Variants in SNTG1 observed in about 807,000 individuals in gnomAD.
SNTG1 encodes syntrophin gamma 1.
Under a neutral mutation model 74.7 loss-of-function variants are expected in SNTG1, and 39 were observed. That is an observed-to-expected ratio of 0.52 (90% CI 0.40 to 0.68). The LOEUF (loss-of-function observed/expected upper bound fraction) is 0.68, where lower values mean the gene tolerates loss of function less well. Ranked by LOEUF, SNTG1 falls within the 30% of genes least tolerant of loss-of-function variation. The probability of loss-of-function intolerance (pLI) is 0.00; values close to 1 mark genes in which losing one functional copy is unlikely to be tolerated. For synonymous variants in SNTG1, 254 were observed against 217.1 expected (o/e 1.17, Z -1.49); for missense variants, 685 against 609.5 (o/e 1.12, Z -1.30).
At chr8:50,389,982 AG>A (rs1488515225) in intron 2 of SNTG1, among the ~76,000 whole-genome samples, 1 of 152,196 alleles carries the variant, frequency 6.6e-6, no homozygotes, top group African/African-American at 2.4e-5. Flanking sequence ...TCTGGATATT[AG>A]CCCTTTGTCA....
At chr8:50,748,534 C>T (rs960131247) in intron 17 of SNTG1, among the ~76,000 whole-genome samples, 21 of 151,912 alleles carry the variant, frequency 1.4e-4, no homozygotes, top group African/African-American at 5.1e-4. Flanking sequence ...TACAGGCATA[C>T]CTCATTTTAT....
chr8:50,739,587 G>T (rs117646770), intron 17 of SNTG1, among the ~76,000 whole-genome samples: 1 of 151,460 alleles, frequency 6.6e-6, no homozygotes, highest in Non-Finnish European at 1.5e-5. Flanking sequence ...GGGGCTGGGG[G>T]AGGGATAGCA....
intron 3 of SNTG1, among the ~76,000 whole-genome samples, chr8:50,395,506 G>GGTTT (rs58030144): frequency 0.79 from 106,796 of 135,502 alleles, 43,481 homozygotes; most frequent in Middle Eastern, 0.92. Context: ...TCTAATTTCT[G>GGTTT]TTTTTTTTTT....
At chr8:50,648,498 T>C (rs2095124522) in intron 13 of SNTG1, among the ~76,000 whole-genome samples, 1 of 152,118 alleles carries the variant, frequency 6.6e-6, no homozygotes, top group Non-Finnish European at 1.5e-5. Context: ...AAATAATGCT[T>C]ATGGGGATAT....
chr8:50,017,358 G>A (rs146687057), intron 1 of SNTG1, among the ~76,000 whole-genome samples: 2 of 151,856 alleles, frequency 1.3e-5, no homozygotes, highest in Non-Finnish European at 2.9e-5. Flanking sequence ...GATGAATAAA[G>A]AAATTTTTAA....
At chr8:50,155,923 C>T (rs940649293) in intron 1 of SNTG1, among the ~76,000 whole-genome samples, 1 of 151,366 alleles carries the variant, frequency 6.6e-6, no homozygotes, top group Non-Finnish European at 1.5e-5. Flanking sequence ...AGAAAAATCA[C>T]AATTTGTCAG....
intron 2 of SNTG1, among the ~76,000 whole-genome samples, chr8:50,174,866 C>G: frequency 7.7e-6 from 1 of 129,666 alleles, no homozygotes; most frequent in South Asian, 3.1e-4. Context: ...CCCCCCTCCC[C>G]CCACCCCACA....
chr8:50,241,044 T>C (rs1233805601), intron 2 of SNTG1, among the ~76,000 whole-genome samples: 1 of 152,190 alleles, frequency 6.6e-6, no homozygotes, highest in Non-Finnish European at 1.5e-5. Flanking sequence ...TATGAGGTCA[T>C]AGGATAGTCT....
intron 13 of SNTG1, among the ~76,000 whole-genome samples, chr8:50,618,723 G>T (rs1036027618): frequency 2.0e-5 from 3 of 152,146 alleles, no homozygotes; most frequent in African/African-American, 7.2e-5. Context: ...TGATGGCCCA[G>T]CTTCTTACTG....
chr8:50,553,271 GT>G, intron 12 of SNTG1, 92 bp downstream of exon 12: 1 of 1,486,860 alleles, frequency 6.7e-7, no homozygotes, highest in Non-Finnish European at 9.1e-7. Context: ...ACTGTTTGGT[GT>G]TCTTCTCAGA....
chr8:50,582,969 G>C (rs898157725), intron 12 of SNTG1, among the ~76,000 whole-genome samples: 6 of 151,960 alleles, frequency 3.9e-5, no homozygotes, highest in Non-Finnish European at 7.4e-5. Context: ...CACAACTGCA[G>C]CATAAAATGA....
At chr8:50,299,814 GA>G (rs1028426552) in intron 2 of SNTG1, among the ~76,000 whole-genome samples, 22 of 152,136 alleles carry the variant, frequency 1.4e-4, no homozygotes, top group African/African-American at 5.1e-4. Context: ...TGCCATATAG[GA>G]CAGAATAGGC....
chr8:50,582,750 G>A (rs1381377806), intron 12 of SNTG1, among the ~76,000 whole-genome samples: 1 of 152,046 alleles, frequency 6.6e-6, no homozygotes, highest in Non-Finnish European at 1.5e-5. Context: ...GTTTTGAATA[G>A]CATATTTTAA....
At chr8:50,287,418 C>A (rs1334537194) in intron 2 of SNTG1, among the ~76,000 whole-genome samples, 1 of 152,164 alleles carries the variant, frequency 6.6e-6, no homozygotes, top group Non-Finnish European at 1.5e-5. Flanking sequence ...GATTCCTGAG[C>A]TTTCATGCAA....
Position 50,052,410 on chromosome 8 carries a change from TATA to T in SNTG1, c.-102-120145_-102-120143del, listed in dbSNP as rs1346848660. Among the ~76,000 whole-genome samples the T allele has an allele frequency of 2.0e-5, 3 of 152,086 alleles. No homozygotes were observed. In the East Asian group the frequency reaches 5.8e-4, roughly 29 times the overall value. The stretch of plus-strand genomic sequence containing the variant: ...TAAGTTGGATGCCTAATTTACACCA[TATA>T]ATAATTAACTTAAAATGCATTATGC... On this transcript the variant is annotated intron_variant, in intron 1 of 18. Transcript: ENST00000642720.
At chr8:50,623,182 T>C (rs1368839289) in intron 13 of SNTG1, among the ~76,000 whole-genome samples, 1 of 152,132 alleles carries the variant, frequency 6.6e-6, no homozygotes, top group Non-Finnish European at 1.5e-5. Flanking sequence ...GATCAATTGT[T>C]CTGACAAGGA....
chr8:50,128,260 T>C (rs2081208103), intron 1 of SNTG1, among the ~76,000 whole-genome samples: 1 of 152,112 alleles, frequency 6.6e-6, no homozygotes, highest in African/African-American at 2.4e-5. Context: ...AATAGAGACA[T>C]AGTCCAAGCA....
chr8:50,495,178 G>A (rs1005130290), intron 8 of SNTG1, among the ~76,000 whole-genome samples: 2 of 151,852 alleles, frequency 1.3e-5, no homozygotes, highest in African/African-American at 4.8e-5. Context: ...CATTTTAAAC[G>A]ACATAAAATT....
intron 2 of SNTG1, among the ~76,000 whole-genome samples, chr8:50,191,877 G>T (rs2083591879): frequency 6.6e-6 from 1 of 151,886 alleles, no homozygotes; most frequent in Non-Finnish European, 1.5e-5. Flanking sequence ...ATGTATGATG[G>T]GACAATAAAA....
Sources: gnomAD v4.1 joint callset for allele counts (sites outside exome capture counted in the v4.1 genomes callset) on GRCh38, gnomAD v4.1.1 for gene constraint, MANE v1.5 for transcripts, NCBI Gene and HGNC (gene_info 2026-07-23, HGNC 2026-07-21) for gene names.